The following COG5 variants were observed in gnomAD, a reference collection of about 807,000 sequenced individuals.
The protein encoded by COG5 is component of oligomeric golgi complex 5.
A neutral mutation model predicts 110.4 loss-of-function variants in COG5; 86 were observed. The observed-to-expected ratio is 0.78, with a 90% CI of 0.65 to 0.93. The LOEUF (loss-of-function observed/expected upper bound fraction) is 0.93, where lower values mean the gene tolerates loss of function less well. Ranked by LOEUF, COG5 falls within the 40% of genes least tolerant of loss-of-function variation. COG5 has a pLI of 0.00. For synonymous variants in COG5, 360 were observed against 334.6 expected (o/e 1.08, Z -0.83); for missense variants, 1,077 against 987.0 (o/e 1.09, Z -1.22).
chr7:107,489,950 C>A (rs890360003), intron 6 of COG5, among the ~76,000 whole-genome samples: 5 of 152,044 alleles, frequency 3.3e-5, no homozygotes, highest in Non-Finnish European at 2.9e-5. Context: ...GAGATAAGCA[C>A]AAACAATGTT....
At chr7:107,297,443 C>CTTTTTTTTTTTTT (rs71314693) in intron 12 of COG5, among the ~76,000 whole-genome samples, 2 of 77,984 alleles carry the variant, frequency 2.6e-5, no homozygotes, top group East Asian at 4.5e-4. Flanking sequence ...TACATTCTGC[C>CTTTTTTTTTTTTT]TTTTTTTTTT....
chr7:107,480,377 C>T (rs1797265514), intron 6 of COG5, among the ~76,000 whole-genome samples: 1 of 152,058 alleles, frequency 6.6e-6, no homozygotes, highest in African/African-American at 2.4e-5. Flanking sequence ...CAGATGAGCA[C>T]TTGTATGTAC....
At chr7:107,412,457 T>C in intron 7 of COG5, 45 bp downstream of exon 7, 1 of 1,586,646 alleles carries the variant, frequency 6.3e-7, no homozygotes, top group Non-Finnish European at 8.6e-7. Flanking sequence ...TTCACCTGTA[T>C]TATGACACAT....
At chr7:107,508,502 G>C (rs1799215592) in intron 6 of COG5, among the ~76,000 whole-genome samples, 1 of 152,188 alleles carries the variant, frequency 6.6e-6, no homozygotes, top group South Asian at 2.1e-4. Flanking sequence ...CAGACTTAAA[G>C]GTCCCTGTCT....
chr7:107,367,173 A>C (rs1430200996), intron 8 of COG5, among the ~76,000 whole-genome samples: 1 of 152,140 alleles, frequency 6.6e-6, no homozygotes, highest in Non-Finnish European at 1.5e-5. Context: ...TAAGGGAAAG[A>C]AAGTGTAAAT....
At chr7:107,369,658 G>C (rs542422490) in intron 8 of COG5, among the ~76,000 whole-genome samples, 67 of 151,972 alleles carry the variant, frequency 4.4e-4, no homozygotes, top group African/African-American at 1.0e-3. Context: ...CAAAGTGCTG[G>C]GATTACAGGC....
chr7:107,205,519 C>G (rs1798705478), intron 21 of COG5, among the ~76,000 whole-genome samples: 4 of 152,194 alleles, frequency 2.6e-5, no homozygotes, highest in Non-Finnish European at 4.4e-5. Context: ...GGTGTTTGTT[C>G]ATACATTGCT....
chr7:107,380,220 TA>T (rs1311628643), intron 7 of COG5, among the ~76,000 whole-genome samples: 4 of 152,038 alleles, frequency 2.6e-5, no homozygotes, highest in African/African-American at 9.7e-5. Flanking sequence ...GAGAAAGATC[TA>T]AAATCGACAC....
intron 19 of COG5, among the ~76,000 whole-genome samples, chr7:107,220,886 T>C (rs1799875374): frequency 6.6e-6 from 1 of 151,052 alleles, no homozygotes; most frequent in Non-Finnish European, 1.5e-5. Flanking sequence ...GGTGCAATCT[T>C]GGCTCACTGC....
At chr7:107,249,539 A>C (rs965585984) in intron 16 of COG5, among the ~76,000 whole-genome samples, 1 of 152,154 alleles carries the variant, frequency 6.6e-6, no homozygotes, top group Admixed American at 6.6e-5. Flanking sequence ...TATTATACAC[A>C]CTTCAAAGAT....
At chr7:107,247,786 A>T (rs1287168214) in intron 17 of COG5, among the ~76,000 whole-genome samples, 1 of 152,226 alleles carries the variant, frequency 6.6e-6, no homozygotes, top group Non-Finnish European at 1.5e-5. Flanking sequence ...TGGATGAGCA[A>T]GACACATATG....
chr7:107,326,075 T>C (rs1020668772), intron 10 of COG5, among the ~76,000 whole-genome samples: 6 of 152,168 alleles, frequency 3.9e-5, no homozygotes, highest in African/African-American at 9.7e-5. Context: ...TCTCAATTAA[T>C]GCAGAAAAAG....
At chr7:107,250,196 G>C (rs958407482) in intron 16 of COG5, among the ~76,000 whole-genome samples, 20 of 152,166 alleles carry the variant, frequency 1.3e-4, no homozygotes, top group Middle Eastern at 3.2e-3. Context: ...CTGCTGGAGA[G>C]TGAGAGAGGG....
chr7:107,559,345 T>C (rs1235168241), intron 1 of COG5, among the ~76,000 whole-genome samples: 1 of 152,182 alleles, frequency 6.6e-6, no homozygotes, highest in Non-Finnish European at 1.5e-5. Context: ...ATGGTAACCA[T>C]GTACCAAATC....
chr7:107,496,657 C>CA (rs1010946735), intron 6 of COG5, among the ~76,000 whole-genome samples: 1,615 of 89,798 alleles, frequency 0.018, 65 homozygotes, highest in African/African-American at 0.042. Flanking sequence ...GACTCTGTCT[C>CA]AAAAAAAAAA....
chr7:107,508,521 T>C (rs920287260), intron 6 of COG5, among the ~76,000 whole-genome samples: 1 of 152,148 alleles, frequency 6.6e-6, no homozygotes, highest in Non-Finnish European at 1.5e-5. Context: ...CTGACAGCTT[T>C]GAAGAGAGTA....
At chr7:107,240,921 A>G (rs1038740916) in intron 17 of COG5, among the ~76,000 whole-genome samples, 1 of 152,236 alleles carries the variant, frequency 6.6e-6, no homozygotes, top group African/African-American at 2.4e-5. Flanking sequence ...TGAATCTCAA[A>G]TGACTGTTGT....
intron 5 of COG5, among the ~76,000 whole-genome samples, chr7:107,541,113 T>C (rs1801948866): frequency 6.7e-6 from 1 of 150,274 alleles, no homozygotes; most frequent in Admixed American, 6.7e-5. Flanking sequence ...ATCCTGCCAC[T>C]GCACCCCAGC....
intron 16 of COG5, among the ~76,000 whole-genome samples, chr7:107,248,760 C>T (rs1007883009): frequency 1.3e-5 from 2 of 152,046 alleles, no homozygotes; most frequent in Admixed American, 6.5e-5. Context: ...GTTAAATAAG[C>T]CCATGAAAAA....
Sources: gnomAD v4.1 joint callset for allele counts (sites outside exome capture counted in the v4.1 genomes callset) on GRCh38, gnomAD v4.1.1 for gene constraint, MANE v1.5 for transcripts, NCBI Gene and HGNC (gene_info 2026-07-23, HGNC 2026-07-21) for gene names.